The following RPS6KA5 variants were observed in gnomAD, a reference collection of about 807,000 sequenced individuals.
RPS6KA5 encodes the protein ribosomal protein S6 kinase A5, also known as ribosomal protein S6 kinase alpha-5.
RPS6KA5 carries 27 observed loss-of-function variants against 85.5 expected under a neutral mutation model. The ratio of observed to expected loss-of-function variants is 0.32; its 90% CI spans 0.23 to 0.44. The LOEUF (loss-of-function observed/expected upper bound fraction) is 0.44, where lower values mean the gene tolerates loss of function less well. RPS6KA5 is among the 20% of genes least tolerant of loss of function. The probability of loss-of-function intolerance (pLI) is 1.00; values close to 1 mark genes in which losing one functional copy is unlikely to be tolerated. For missense variants in RPS6KA5, 811 were observed against 980.9 expected, an observed-to-expected ratio of 0.83 and a Z score of 2.31; for synonymous variants, 334 against 348.2, an observed-to-expected ratio of 0.96 and a Z score of 0.46.
rs1378640479 is a variant in RPS6KA5, at chr14:90,863,125, A to G, written c.*8949T>C. On this transcript the variant is annotated 3_prime_UTR_variant, in exon 17 of 17. Coordinates refer to ENST00000614987, the MANE Select transcript of RPS6KA5 (RefSeq NM_004755.4). ...CGAGGCCAGTCTGGCCAATATGGTG[A>G]AACCCCATCTCTACTAATAATACAA... 1 of 151,730 alleles carries G rather than the reference A, an allele frequency of 6.6e-6. No homozygotes were observed. The highest frequency in any genetic ancestry group is 1.5e-5 in the Non-Finnish European group (1 of 67,934). The allele number at this position is 151,730 out of a possible 1,614,324, so 9.4% of individuals were successfully genotyped here.
Position 90,889,287 on chromosome 14 carries a change from T to C in RPS6KA5, c.1836+1200A>G, listed in dbSNP as rs1401840647. Among the ~76,000 whole-genome samples the C allele has an allele frequency of 1.4e-4, 16 of 117,572 alleles. No individual in the cohort carries two copies. In the East Asian group the frequency reaches 3.6e-3, roughly 27 times the overall value. The allele number at this position is 117,572 out of a possible 152,430, so 77.1% of individuals were successfully genotyped here. The stretch of plus-strand genomic sequence containing the variant: ...CCAGCCTGGGAGACAGAGCAAGACT[T>C]TGTCTCCAAAAAAAAAAAAAAAAAA... On this transcript the variant is annotated intron_variant, in intron 14 of 16. Coordinates refer to ENST00000614987, the MANE Select transcript of RPS6KA5 (RefSeq NM_004755.4).
At chr14:91,037,385 C>A (rs1411774357) in intron 1 of RPS6KA5, among the ~76,000 whole-genome samples, 1 of 152,192 alleles carries the variant, frequency 6.6e-6, no homozygotes, top group African/African-American at 2.4e-5. Context: ...TTACATCCAC[C>A]CTAGCCCTAA....
rs145289814 is a variant in RPS6KA5, at chr14:91,045,387, C to T, written c.103+14945G>A. On this transcript the variant is annotated intron_variant, in intron 1 of 16. Coordinates refer to ENST00000614987, the MANE Select transcript of RPS6KA5 (RefSeq NM_004755.4). ...TCAAGCAATTCTCCCACTCAGCCTC[C>T]TGAGTAACTGGGATTACAGGCACCT... Among the ~76,000 whole-genome samples, 489 of 152,078 alleles carry T rather than the reference C, an allele frequency of 3.2e-3. 4 individuals carry two copies. The highest frequency in any genetic ancestry group is 0.011 in the African/African-American group (471 of 41,468).
intron 1 of RPS6KA5, among the ~76,000 whole-genome samples, chr14:91,040,251 A>G (rs1039613440): frequency 1.3e-5 from 2 of 152,188 alleles, no homozygotes; most frequent in Non-Finnish European, 2.9e-5. Flanking sequence ...TTTACTAAAA[A>G]TACAAAAATT....
intron 7 of RPS6KA5, among the ~76,000 whole-genome samples, chr14:90,908,510 C>T (rs768415099): frequency 5.3e-5 from 8 of 152,122 alleles, no homozygotes; most frequent in Non-Finnish European, 5.9e-5. Flanking sequence ...ATCACTTAGG[C>T]TCCCTGTTGT....
chr14:91,056,867 CTTTTTTTTTTTTTTT>C (rs34807092), intron 1 of RPS6KA5, among the ~76,000 whole-genome samples: 4 of 38,874 alleles, frequency 1.0e-4, no homozygotes, highest in African/African-American at 2.8e-4. Context: ...GCAGTATTAT[CTTTTTTTTTTTTTTT>C]TTTTTTTTTT....
chr14:91,001,227 T>C, intron 1 of RPS6KA5, 68 bp from the exon 2 acceptor site: 2 of 935,956 alleles, frequency 2.1e-6, no homozygotes, highest in Non-Finnish European at 3.4e-6. Flanking sequence ...TGGGGGATTC[T>C]TGTGTACCAG....
At chr14:90,908,146 GA>G (rs1194756645) in intron 7 of RPS6KA5, among the ~76,000 whole-genome samples, 1 of 152,244 alleles carries the variant, frequency 6.6e-6, no homozygotes, top group Non-Finnish European at 1.5e-5. Flanking sequence ...GCAGAAAGGA[GA>G]AATGTCCACC....
chr14:90,905,689 T>A (rs2035458854), intron 8 of RPS6KA5, among the ~76,000 whole-genome samples: 1 of 152,104 alleles, frequency 6.6e-6, no homozygotes, highest in Non-Finnish European at 1.5e-5. Context: ...ATAGGTAAAT[T>A]TAAAATTTTT....
chr14:90,957,244 T>C (rs1258648757), intron 3 of RPS6KA5, among the ~76,000 whole-genome samples: 1 of 152,168 alleles, frequency 6.6e-6, no homozygotes, highest in African/African-American at 2.4e-5. Context: ...TTTGTATTTT[T>C]AGTAGAGACA....
chr14:91,013,542 T>C (rs991700288), intron 1 of RPS6KA5, among the ~76,000 whole-genome samples: 1 of 145,998 alleles, frequency 6.8e-6, no homozygotes, highest in Non-Finnish European at 1.5e-5. Context: ...TATCTGAGAA[T>C]CTGCAATTAG....
At position 90,949,086 on chromosome 14, in the gene RPS6KA5, C is replaced by T. The variant is rs147751869; in HGVS notation, c.395-1536G>A. 1.4e-3 allele frequency among the ~76,000 whole-genome samples: 215 copies of T among 152,270 alleles called. 3 individuals carry two copies. The highest frequency in any genetic ancestry group is 5.0e-3 in the African/African-American group (206 of 41,556). On this transcript the variant is annotated intron_variant, in intron 3 of 16. Transcript: ENST00000614987. Reference sequence around the variant, plus strand: ...TTTTGCCAAGGAGTTTTAATTATACCTGAACACAAAGCTAATTATTAAAAA... The same window carrying T: ...TTTTGCCAAGGAGTTTTAATTATACTTGAACACAAAGCTAATTATTAAAAA...
At chr14:90,905,738 C>T (rs140102396) in intron 8 of RPS6KA5, among the ~76,000 whole-genome samples, 5 of 152,170 alleles carry the variant, frequency 3.3e-5, no homozygotes, top group Middle Eastern at 3.4e-3. Flanking sequence ...GAAGAAATCA[C>T]TATCTAAAAG....
chr14:90,914,117 T>A (rs2035976788), intron 7 of RPS6KA5, among the ~76,000 whole-genome samples: 1 of 151,934 alleles, frequency 6.6e-6, no homozygotes, highest in African/African-American at 2.4e-5. Context: ...AGACTCTGGG[T>A]TGACTGTAGC....
intron 12 of RPS6KA5, among the ~76,000 whole-genome samples, chr14:90,896,763 C>G (rs968847977): frequency 6.6e-6 from 1 of 152,116 alleles, no homozygotes; most frequent in Non-Finnish European, 1.5e-5. Context: ...CTCTATCACC[C>G]AGGCTGGAGT....
intron 14 of RPS6KA5, among the ~76,000 whole-genome samples, chr14:90,879,284 T>C (rs2033676430): frequency 6.6e-6 from 1 of 152,204 alleles, no homozygotes; most frequent in Non-Finnish European, 1.5e-5. Context: ...CACATGTCAC[T>C]TGTCTTGGAT....
chr14:91,023,170 A>T (rs78730347), intron 1 of RPS6KA5, among the ~76,000 whole-genome samples: 3,327 of 151,444 alleles, frequency 0.022, 45 homozygotes, highest in Non-Finnish European at 0.031. Flanking sequence ...ACAAATAAGT[A>T]TATTAAGTGC....
chr14:90,960,488 A>T (rs1309818562), intron 3 of RPS6KA5, among the ~76,000 whole-genome samples: 2 of 152,200 alleles, frequency 1.3e-5, no homozygotes, highest in Admixed American at 1.3e-4. Flanking sequence ...CCTCACTGAC[A>T]TCTGAAAGGA....
In RPS6KA5 at chr14:91,060,498, G is replaced by T. The variant is rs1309231034; in HGVS notation, c.-64C>A. ...GGAACCCAGGAGACAGCGGACGCCCGTCCCCTCGCAGCCGCTGCCGCGGCC... is the reference window on the plus strand; with the variant it reads ...GGAACCCAGGAGACAGCGGACGCCCTTCCCCTCGCAGCCGCTGCCGCGGCC... On this transcript the variant is annotated 5_prime_UTR_variant, in exon 1 of 17. Coordinates refer to ENST00000614987, the MANE Select transcript of RPS6KA5 (RefSeq NM_004755.4). 2.3e-6 allele frequency: 3 copies of T among 1,282,308 alleles called. No individual in the cohort carries two copies. Among genetic ancestry groups the T allele is most frequent in the Admixed American group, 3.8e-5 (1 of 26,636 alleles). 79.4% of individuals were successfully genotyped at this position (1,282,308 alleles called of 1,614,324 possible). A position where few individuals can be genotyped will look rare whatever the true frequency, so the allele number is the denominator to read the frequency against.
Sources: gnomAD v4.1 joint callset for allele counts (sites outside exome capture counted in the v4.1 genomes callset) on GRCh38, gnomAD v4.1.1 for gene constraint, MANE v1.5 for transcripts, NCBI Gene and HGNC (gene_info 2026-07-23, HGNC 2026-07-21) for gene names.